Variants in LRP1B observed in about 807,000 individuals in gnomAD.
The protein encoded by LRP1B is low-density lipoprotein receptor-related protein 1B.
In LRP1B, 217 loss-of-function variants were observed where a neutral mutation model predicts 556.6. The ratio of observed to expected loss-of-function variants is 0.39; its 90% CI spans 0.35 to 0.44. The LOEUF (loss-of-function observed/expected upper bound fraction) is 0.44. Among genes scored for constraint, LRP1B ranks in the 20% least tolerant of loss-of-function variants. The probability of loss-of-function intolerance (pLI) is 1.00; values close to 1 mark genes in which losing one functional copy is unlikely to be tolerated. For synonymous variants in LRP1B, 2,047 were observed against 1,865.8 expected (o/e 1.10, Z -2.50); for missense variants, 5,053 against 5,620.8 (o/e 0.90, Z 3.23).
At chr2:140,301,692 T>C (rs1220486070) in intron 83 of LRP1B, among the ~76,000 whole-genome samples, 1 of 151,942 alleles carries the variant, frequency 6.6e-6, no homozygotes, top group Non-Finnish European at 1.5e-5. Context: ...ATAAACTGAT[T>C]TTAATTATTT....
At position 140,541,892 on chromosome 2, in the gene LRP1B, C is replaced by T. The variant is rs201905999; in HGVS notation, c.7274G>A (p.Arg2425Lys). Residue 2425 changes from arginine to lysine, a missense_variant, in exon 44 of 91, where the codon AGA (arginine) becomes AAA (lysine). Arg to Lys is a conservative substitution (Grantham distance 26, BLOSUM62 2). Around this residue, in one of 5 missense-constraint regions of LRP1B, gnomAD observed 3,619 missense variants for 3,931.9 expected, o/e 0.92. Coordinates refer to ENST00000389484, the MANE Select transcript of LRP1B (RefSeq NM_018557.3). ...DNYIFWSDWG[R>K]RAILRSNKYT... ...CTTGTTGGACCGCAGTATAGCTCTT[C>T]TTCCCCAGTCCGACCAGAATATATA... 2.7e-5 allele frequency: 43 copies of T among 1,612,698 alleles called. No individual in the cohort carries two copies. The highest frequency in any genetic ancestry group is 3.4e-5 in the Non-Finnish European group (40 of 1,179,188).
intron 3 of LRP1B, among the ~76,000 whole-genome samples, chr2:141,278,522 T>A (rs1685389761): frequency 6.6e-6 from 1 of 152,160 alleles, no homozygotes; most frequent in Non-Finnish European, 1.5e-5. Flanking sequence ...CGTTGCTGAC[T>A]AAGTAAAGCA....
intron 3 of LRP1B, among the ~76,000 whole-genome samples, chr2:141,330,419 CT>C (rs1687596359): frequency 2.8e-5 from 4 of 142,356 alleles, no homozygotes; most frequent in Admixed American, 2.8e-4. Flanking sequence ...AAAACTGATA[CT>C]TTTTATTGAA....
At chr2:141,239,813 C>T (rs1292707307) in intron 5 of LRP1B, among the ~76,000 whole-genome samples, 1 of 151,820 alleles carries the variant, frequency 6.6e-6, no homozygotes, top group Non-Finnish European at 1.5e-5. Context: ...AACTCATTAT[C>T]TAGTGATGGG....
chr2:141,971,561 C>T (rs192262746), intron 1 of LRP1B, among the ~76,000 whole-genome samples: 7 of 151,278 alleles, frequency 4.6e-5, no homozygotes, highest in Admixed American at 2.0e-4. Context: ...TAATTACGTA[C>T]GGGCATCCAG....
rs372096964 is a variant in LRP1B, at chr2:140,629,114, C to T, written c.6800-27475G>A. ...TGTCACCCAAGCTGGAGTGCAGTGGCGCCATTTTGGCTCACTGCAACCTCT... is the reference window on the plus strand; with the variant it reads ...TGTCACCCAAGCTGGAGTGCAGTGGTGCCATTTTGGCTCACTGCAACCTCT... On this transcript the variant is annotated intron_variant, in intron 41 of 90. Coordinates refer to ENST00000389484, the MANE Select transcript of LRP1B (RefSeq NM_018557.3). Among the ~76,000 whole-genome samples the T allele has an allele frequency of 2.8e-4, 42 of 152,070 alleles. No individual in the cohort carries two copies. The South Asian group carries it at 5.8e-3, about 21-fold the overall frequency.
In LRP1B at chr2:140,855,159, G is replaced by A. The variant is rs1002528648; in HGVS notation, c.4580-3376C>T. On this transcript the variant is annotated intron_variant, in intron 27 of 90. Transcript: ENST00000389484. ...AAAAAGCTGAGATACAATAGTGGAC[G>A]AGTTCTTACCCCAAGGTGCTTAAGG... 2.1e-4 allele frequency among the ~76,000 whole-genome samples: 32 copies of A among 151,950 alleles called. 1 individual carries two copies. The highest frequency in any genetic ancestry group is 1.9e-4 in the Non-Finnish European group (13 of 67,988).
At position 141,066,134 on chromosome 2, in the gene LRP1B, A is replaced by G. The variant is rs367734670; in HGVS notation, c.1014-3861T>C. 9.9e-5 allele frequency among the ~76,000 whole-genome samples: 15 copies of G among 151,994 alleles called. No individual in the cohort carries two copies. The East Asian group carries it at 2.7e-3, about 28-fold the overall frequency. On this transcript the variant is annotated intron_variant, in intron 7 of 90. Coordinates refer to ENST00000389484, the MANE Select transcript of LRP1B (RefSeq NM_018557.3). ...TCCAACAACTGTCTCTATTTCTAAGATGTTTAACTATTAGCTCACAAAAGA... is the reference window on the plus strand; with the variant it reads ...TCCAACAACTGTCTCTATTTCTAAGGTGTTTAACTATTAGCTCACAAAAGA...
intron 2 of LRP1B, among the ~76,000 whole-genome samples, chr2:141,488,110 T>C (rs1409966305): frequency 6.6e-6 from 1 of 152,180 alleles, no homozygotes; most frequent in Non-Finnish European, 1.5e-5. Context: ...GGCCTCATTG[T>C]ATAGTTTATG....
At chr2:141,341,327 AT>A (rs558421838) in intron 3 of LRP1B, among the ~76,000 whole-genome samples, 33 of 152,074 alleles carry the variant, frequency 2.2e-4, no homozygotes, top group Admixed American at 7.2e-4. Flanking sequence ...TCCTACAGGG[AT>A]TTTTTTTATC....
intron 7 of LRP1B, among the ~76,000 whole-genome samples, chr2:141,137,817 T>C (rs1701527095): frequency 1.3e-5 from 2 of 151,906 alleles, no homozygotes; most frequent in African/African-American, 4.8e-5. Context: ...CAATGGGATA[T>C]TTTATTAGGT....
At chr2:140,820,953 AAT>A (rs1657365428) in intron 31 of LRP1B, among the ~76,000 whole-genome samples, 1 of 150,822 alleles carries the variant, frequency 6.6e-6, no homozygotes, top group Non-Finnish European at 1.5e-5. Flanking sequence ...ATCCTGTAGC[AAT>A]TTCAAAATAT....
chr2:141,563,921 A>G (rs2105251998), intron 2 of LRP1B, among the ~76,000 whole-genome samples: 1 of 152,158 alleles, frequency 6.6e-6, no homozygotes, highest in Middle Eastern at 3.4e-3. Context: ...GTACTATGCT[A>G]ACTATCTAGG....
intron 7 of LRP1B, among the ~76,000 whole-genome samples, chr2:141,073,050 A>G (rs766563433): frequency 6.6e-6 from 1 of 152,080 alleles, no homozygotes; most frequent in Non-Finnish European, 1.5e-5. Flanking sequence ...AATTTGCTTT[A>G]CTATTTATCA....
chr2:141,634,002 T>C (rs796593857), intron 2 of LRP1B, among the ~76,000 whole-genome samples: 9 of 152,054 alleles, frequency 5.9e-5, no homozygotes, highest in African/African-American at 1.9e-4. Flanking sequence ...AAAATCACTA[T>C]ACGTGAGTAA....
chr2:142,034,365 A>G (rs1703804930), intron 1 of LRP1B, among the ~76,000 whole-genome samples: 1 of 151,728 alleles, frequency 6.6e-6, no homozygotes. Flanking sequence ...ATTCACATGT[A>G]TTCTAGCTAT....
chr2:140,382,817 C>A (rs1287555173), intron 67 of LRP1B, among the ~76,000 whole-genome samples: 1 of 152,132 alleles, frequency 6.6e-6, no homozygotes. Flanking sequence ...TATTTTTCAA[C>A]TACAGTTATG....
At position 141,579,202 on chromosome 2, in the gene LRP1B, G is replaced by A. The variant is rs865946461; in HGVS notation, c.206-98669C>T. ...TGCACAAACTATCCCGGTACAAGCA[G>A]AACAGATTCAGTGAATAATAACTCA... is the stretch of plus-strand genomic sequence containing the variant. On this transcript the variant is annotated intron_variant, in intron 2 of 90. Transcript: ENST00000389484. 5.1e-4 allele frequency among the ~76,000 whole-genome samples: 70 copies of A among 137,870 alleles called. 1 individual carries two copies. Among genetic ancestry groups the A allele is most frequent in the African/African-American group, 1.8e-3 (69 of 37,660 alleles). 90.4% of individuals were successfully genotyped at this position (137,870 alleles called of 152,430 possible).
chr2:141,360,106 C>G (rs565221899), intron 3 of LRP1B, among the ~76,000 whole-genome samples: 6 of 152,154 alleles, frequency 3.9e-5, no homozygotes, highest in Non-Finnish European at 8.8e-5. Context: ...TTCAAAAACA[C>G]AAGCAATAAG....
Sources: gnomAD v4.1 joint callset for allele counts (sites outside exome capture counted in the v4.1 genomes callset) on GRCh38, gnomAD v4.1.1 for gene constraint, gnomAD v4.1.1 regional missense constraint, MANE v1.5 for transcripts, NCBI Gene and HGNC (gene_info 2026-07-23, HGNC 2026-07-21) for gene names.